ARHGAP22: variants seen among roughly 807,000 people sequenced by gnomAD.
ARHGAP22 encodes the protein rho GTPase-activating protein 22.
ARHGAP22 carries 48 observed loss-of-function variants against 59.1 expected under a neutral mutation model. The observed-to-expected ratio is 0.81, with a 90% CI of 0.64 to 1.03. The LOEUF (loss-of-function observed/expected upper bound fraction) is 1.03, where lower values mean the gene tolerates loss of function less well. ARHGAP22 is among the 50% of genes least tolerant of loss of function. The probability of loss-of-function intolerance (pLI) is 0.00; values close to 1 mark genes in which losing one functional copy is unlikely to be tolerated. For synonymous variants in ARHGAP22, 445 were observed against 416.4 expected (o/e 1.07, Z -0.84); for missense variants, 1,015 against 958.7 (o/e 1.06, Z -0.78).
chr10:48,501,972 T>C (rs1188447324), intron 3 of ARHGAP22, among the ~76,000 whole-genome samples: 3 of 152,178 alleles, frequency 2.0e-5, no homozygotes, highest in Non-Finnish European at 4.4e-5. Context: ...AGTGCTGGCA[T>C]TGGATTCTCA....
intron 7 of ARHGAP22, among the ~76,000 whole-genome samples, 194 bp from the exon 8 acceptor site, chr10:48,453,619 A>G (rs1334189306): frequency 6.6e-6 from 1 of 152,194 alleles, no homozygotes; most frequent in African/African-American, 2.4e-5. Flanking sequence ...CATCAGAAGT[A>G]AAAGTCACTG....
chr10:48,630,260 T>C (rs1192454013), intron 1 of ARHGAP22, among the ~76,000 whole-genome samples: 3 of 151,990 alleles, frequency 2.0e-5, no homozygotes, highest in Admixed American at 2.0e-4. Flanking sequence ...CTCGGCTAAT[T>C]TTTGTATTTT....
At chr10:48,517,370 C>A (rs1193996680) in intron 3 of ARHGAP22, among the ~76,000 whole-genome samples, 1 of 151,962 alleles carries the variant, frequency 6.6e-6, no homozygotes, top group South Asian at 2.1e-4. Context: ...TGGGGGTGGG[C>A]GATAGGGAGA....
chr10:48,433,930 T>G, the ARHGAP22 span, among the ~76,000 whole-genome samples: 1 of 152,236 alleles, frequency 6.6e-6, no homozygotes, highest in African/African-American at 2.4e-5. Context: ...TGAGAACTTT[T>G]AAGTAACTTG....
chr10:48,491,478 A>C (rs2050382157), intron 3 of ARHGAP22, among the ~76,000 whole-genome samples: 1 of 152,262 alleles, frequency 6.6e-6, no homozygotes, highest in African/African-American at 2.4e-5. Context: ...ACTGATTGCA[A>C]TCAATACACT....
At chr10:48,453,225 G>A in intron 8 of ARHGAP22, 79 bp downstream of exon 8, 2 of 1,598,032 alleles carry the variant, frequency 1.3e-6, no homozygotes, top group Non-Finnish European at 1.7e-6. Flanking sequence ...GGCTGGGATG[G>A]TTCCAAGGAC....
At chr10:48,586,374 A>G (rs1373621878) in intron 1 of ARHGAP22, among the ~76,000 whole-genome samples, 1 of 152,176 alleles carries the variant, frequency 6.6e-6, no homozygotes, top group Admixed American at 6.5e-5. Flanking sequence ...GGCAGAGGGG[A>G]GACAGCATAA....
the ARHGAP22 span, chr10:48,437,073 A>G: frequency 6.6e-6 from 1 of 152,198 alleles, no homozygotes; most frequent in Non-Finnish European, 1.5e-5. Context: ...GATTTTGGTT[A>G]AGTAAGGAAA....
At chr10:48,636,263 C>G (rs1242648003) in intron 1 of ARHGAP22, among the ~76,000 whole-genome samples, 1 of 152,226 alleles carries the variant, frequency 6.6e-6, no homozygotes, top group Non-Finnish European at 1.5e-5. Flanking sequence ...TGTGGGGACA[C>G]TGCATGAAGG....
chr10:48,644,139 C>T (rs2062189856), intron 1 of ARHGAP22, among the ~76,000 whole-genome samples: 1 of 151,926 alleles, frequency 6.6e-6, no homozygotes, highest in Non-Finnish European at 1.5e-5. Context: ...AATAGCAAAA[C>T]TCTATCTCAA....
intron 1 of ARHGAP22, among the ~76,000 whole-genome samples, chr10:48,583,618 A>G (rs765183713): frequency 2.6e-5 from 4 of 152,236 alleles, no homozygotes; most frequent in Non-Finnish European, 5.9e-5. Context: ...TAGTGAAATA[A>G]AAAACAGATA....
chr10:48,479,471 G>T, intron 4 of ARHGAP22, 165 bp downstream of exon 4: 1 of 1,304,220 alleles, frequency 7.7e-7, no homozygotes, highest in South Asian at 1.5e-5. Flanking sequence ...GCCGTTGGGT[G>T]ACTCCCGAGG....
chr10:48,473,717 C>G (rs1204371876), intron 4 of ARHGAP22, among the ~76,000 whole-genome samples: 1 of 152,220 alleles, frequency 6.6e-6, no homozygotes, highest in Non-Finnish European at 1.5e-5. Flanking sequence ...AGTGGCAGAG[C>G]CAAATCACAC....
chr10:48,493,430 T>C (rs1026274604), intron 3 of ARHGAP22: 28 of 1,535,012 alleles, frequency 1.8e-5, no homozygotes, highest in African/African-American at 9.6e-5. Context: ...ACTCCAGCTA[T>C]CCACTTACCC....
intron 4 of ARHGAP22, among the ~76,000 whole-genome samples, chr10:48,475,995 C>T (rs755081271): frequency 2.5e-4 from 38 of 152,198 alleles, no homozygotes; most frequent in Admixed American, 1.4e-3. Flanking sequence ...TTTCCTTCTA[C>T]TCAAAAGTCA....
chr10:48,504,615 C>T (rs904054828), intron 3 of ARHGAP22, among the ~76,000 whole-genome samples: 4 of 152,108 alleles, frequency 2.6e-5, no homozygotes, highest in Admixed American at 2.0e-4. Context: ...GCAGGGGAGG[C>T]GGTTGGCAGA....
At chr10:48,630,392 G>T (rs1009200914) in intron 1 of ARHGAP22, among the ~76,000 whole-genome samples, 3 of 152,118 alleles carry the variant, frequency 2.0e-5, no homozygotes, top group African/African-American at 7.2e-5. Flanking sequence ...GCCCAGCCCA[G>T]AAATGACATC....
intron 8 of ARHGAP22, 62 bp downstream of exon 8, chr10:48,453,242 T>C (rs2133643085): frequency 2.5e-6 from 4 of 1,606,038 alleles, no homozygotes; most frequent in African/African-American, 1.3e-5. Context: ...GGACTTGCCG[T>C]GGACCAAGAT....
chr10:48,624,440 C>T (rs898255344), intron 1 of ARHGAP22: 1 of 152,042 alleles, frequency 6.6e-6, no homozygotes, highest in Non-Finnish European at 1.5e-5. Context: ...ACTCTGTCTC[C>T]AAAAGAAGAG....
Sources: allele counts gnomAD v4.1 joint callset (sites outside exome capture counted in the v4.1 genomes callset), GRCh38; gene constraint gnomAD v4.1.1; transcripts MANE v1.5; gene names NCBI Gene and HGNC (gene_info 2026-07-23, HGNC 2026-07-21).